SNTG1: variants seen among roughly 807,000 people sequenced by gnomAD.
SNTG1 encodes the protein syntrophin gamma 1, also known as gamma-1-syntrophin.
SNTG1 carries 39 observed loss-of-function variants against 74.7 expected under a neutral mutation model. That is an observed-to-expected ratio of 0.52 (90% CI 0.40 to 0.68). The LOEUF is 0.68. SNTG1 is among the 30% of genes least tolerant of loss of function. SNTG1 has a pLI of 0.00. For missense variants in SNTG1, 685 were observed against 609.5 expected (o/e 1.12, Z -1.30); for synonymous variants, 254 against 217.1 (o/e 1.17, Z -1.49).
chr8:50,107,799 C>T (rs559549931), intron 1 of SNTG1, among the ~76,000 whole-genome samples: 20 of 152,220 alleles, frequency 1.3e-4, no homozygotes, highest in African/African-American at 4.8e-4. Flanking sequence ...GATCTGCCCA[C>T]CTAAGCCGCC....
chr8:50,780,597 C>T (rs527489411), intron 18 of SNTG1, among the ~76,000 whole-genome samples: 2 of 152,086 alleles, frequency 1.3e-5, no homozygotes, highest in South Asian at 4.1e-4. Flanking sequence ...TCTCTCTTTT[C>T]TTCTTTATTA....
intron 1 of SNTG1, among the ~76,000 whole-genome samples, chr8:49,985,533 A>G (rs868575049): frequency 4.6e-5 from 7 of 152,232 alleles, no homozygotes; most frequent in Non-Finnish European, 1.0e-4. Context: ...TTGTTAATAT[A>G]GATTAGGCTT....
At chr8:50,294,778 A>G (rs2089285909) in intron 2 of SNTG1, among the ~76,000 whole-genome samples, 1 of 152,182 alleles carries the variant, frequency 6.6e-6, no homozygotes, top group Non-Finnish European at 1.5e-5. Flanking sequence ...CAAATTGACA[A>G]TAAAATTAAG....
intron 18 of SNTG1, among the ~76,000 whole-genome samples, chr8:50,763,317 T>G (rs2095604323): frequency 6.6e-6 from 1 of 151,906 alleles, no homozygotes; most frequent in South Asian, 2.1e-4. Flanking sequence ...ATACTCAGAA[T>G]TTTAGAAAGG....
intron 12 of SNTG1, among the ~76,000 whole-genome samples, chr8:50,559,385 C>A (rs2094474243): frequency 6.6e-6 from 1 of 151,904 alleles, no homozygotes; most frequent in Non-Finnish European, 1.5e-5. Context: ...GAATGTGTAT[C>A]TTCTAAATTA....
At chr8:50,185,931 T>G (rs1450927324) in intron 2 of SNTG1, among the ~76,000 whole-genome samples, 1 of 152,100 alleles carries the variant, frequency 6.6e-6, no homozygotes, top group Admixed American at 6.6e-5. Flanking sequence ...TTGCTGCACC[T>G]ATCAACACGT....
chr8:50,672,337 C>A (rs1051647119), intron 15 of SNTG1, among the ~76,000 whole-genome samples: 2 of 152,140 alleles, frequency 1.3e-5, no homozygotes, highest in Non-Finnish European at 2.9e-5. Flanking sequence ...CACAGTCTCT[C>A]CACCATCTAT....
chr8:50,555,079 C>G (rs1321351689), intron 12 of SNTG1, among the ~76,000 whole-genome samples: 1 of 152,178 alleles, frequency 6.6e-6, no homozygotes, highest in Non-Finnish European at 1.5e-5. Context: ...AACAACAAAA[C>G]AGTGAAGATG....
intron 1 of SNTG1, among the ~76,000 whole-genome samples, chr8:50,038,828 T>C (rs1322152868): frequency 1.3e-5 from 2 of 152,198 alleles, no homozygotes; most frequent in Non-Finnish European, 2.9e-5. Context: ...CAGGACTCTA[T>C]GGACTCTTGG....
chr8:50,265,110 G>A (rs895965461), intron 2 of SNTG1, among the ~76,000 whole-genome samples: 1 of 151,952 alleles, frequency 6.6e-6, no homozygotes, highest in Non-Finnish European at 1.5e-5. Context: ...AAAAAAGAGT[G>A]AACACTCCTA....
At chr8:49,997,009 C>T (rs989059512) in intron 1 of SNTG1, among the ~76,000 whole-genome samples, 3 of 152,076 alleles carry the variant, frequency 2.0e-5, no homozygotes, top group African/African-American at 7.2e-5. Flanking sequence ...TAATGAGTGG[C>T]ACACCTAGAA....
intron 12 of SNTG1, among the ~76,000 whole-genome samples, chr8:50,583,171 G>T (rs1256742519): frequency 6.6e-6 from 1 of 151,900 alleles, no homozygotes; most frequent in African/African-American, 2.4e-5. Flanking sequence ...GGGAAGCCGA[G>T]GCGAGTGGAT....
intron 1 of SNTG1, among the ~76,000 whole-genome samples, chr8:49,958,726 T>C (rs1810415168): frequency 6.6e-6 from 1 of 152,222 alleles, no homozygotes; most frequent in Non-Finnish European, 1.5e-5. Flanking sequence ...GCCAACATTT[T>C]CCTTCTAATC....
chr8:50,339,388 C>A (rs951289291), intron 2 of SNTG1, among the ~76,000 whole-genome samples: 1 of 151,826 alleles, frequency 6.6e-6, no homozygotes, highest in South Asian at 2.1e-4. Flanking sequence ...AAAACAAGAT[C>A]TTGTTTATAT....
chr8:49,934,134 T>A (rs1024254805), intron 1 of SNTG1, among the ~76,000 whole-genome samples: 3 of 152,142 alleles, frequency 2.0e-5, no homozygotes, highest in Non-Finnish European at 2.9e-5. Context: ...ATTCAAAACA[T>A]AAACCTAAAT....
At chr8:50,640,134 G>A (rs1160078905) in intron 13 of SNTG1, among the ~76,000 whole-genome samples, 1 of 152,136 alleles carries the variant, frequency 6.6e-6, no homozygotes, top group African/African-American at 2.4e-5. Flanking sequence ...GAAAACTTTA[G>A]CTGTCTGAGG....
intron 1 of SNTG1, among the ~76,000 whole-genome samples, chr8:50,145,035 G>A (rs1183461410): frequency 6.6e-6 from 1 of 152,108 alleles, no homozygotes; most frequent in African/African-American, 2.4e-5. Flanking sequence ...CACCAAATGA[G>A]GTAGGAACAC....
chr8:49,973,508 C>CAAA (rs986423120), intron 1 of SNTG1, among the ~76,000 whole-genome samples: 8 of 148,816 alleles, frequency 5.4e-5, no homozygotes, highest in African/African-American at 2.0e-4. Flanking sequence ...AAAGTTAAAG[C>CAAA]ATAATAATAA....
intron 2 of SNTG1, among the ~76,000 whole-genome samples, chr8:50,277,802 A>G (rs2088201422): frequency 6.6e-6 from 1 of 152,294 alleles, no homozygotes; most frequent in South Asian, 2.1e-4. Context: ...TATTAATTTT[A>G]TTTACATGTA....
Sources: allele counts gnomAD v4.1 joint callset (sites outside exome capture counted in the v4.1 genomes callset), GRCh38; gene constraint gnomAD v4.1.1; transcripts MANE v1.5; gene names NCBI Gene and HGNC (gene_info 2026-07-23, HGNC 2026-07-21).